The following TMTC2 variants were observed in gnomAD, a reference collection of about 807,000 sequenced individuals.
TMTC2 encodes the protein transmembrane O-mannosyltransferase targeting cadherins 2.
A neutral mutation model predicts 82.4 loss-of-function variants in TMTC2; 43 were observed. The ratio of observed to expected loss-of-function variants is 0.52; its 90% CI spans 0.41 to 0.67. The LOEUF is 0.67. TMTC2 is among the 30% of genes least tolerant of loss of function. TMTC2 has a pLI of 0.00. For missense variants in TMTC2, 919 were observed against 1,012.4 expected (o/e 0.91, Z 1.25); for synonymous variants, 408 against 381.9 (o/e 1.07, Z -0.80).
chr12:82,992,584 T>C (rs1879446854), intron 8 of TMTC2, among the ~76,000 whole-genome samples: 1 of 152,224 alleles, frequency 6.6e-6, no homozygotes, highest in Admixed American at 6.5e-5. Context: ...AGCCTTTATA[T>C]GAAGTTGCTG....
chr12:82,938,237 G>T (rs1876515984), intron 4 of TMTC2, among the ~76,000 whole-genome samples: 1 of 151,860 alleles, frequency 6.6e-6, no homozygotes, highest in African/African-American at 2.4e-5. Flanking sequence ...TCCTAATAAG[G>T]GTATGAGAGA....
At chr12:82,775,231 T>C (rs1877525110) in intron 1 of TMTC2, among the ~76,000 whole-genome samples, 1 of 152,014 alleles carries the variant, frequency 6.6e-6, no homozygotes, top group African/African-American at 2.4e-5. Flanking sequence ...GAAGGATTGC[T>C]TGAGCCTAGG....
chr12:83,100,122 G>A, intron 11 of TMTC2, among the ~76,000 whole-genome samples: 1 of 152,004 alleles, frequency 6.6e-6, no homozygotes, highest in East Asian at 1.9e-4. Flanking sequence ...GTTTCACCAT[G>A]TTGGTCAGGC....
At chr12:82,848,493 T>C (rs1192082805) in intron 1 of TMTC2, among the ~76,000 whole-genome samples, 2 of 152,164 alleles carry the variant, frequency 1.3e-5, no homozygotes, top group Non-Finnish European at 2.9e-5. Context: ...TTGCCTTGTC[T>C]ACTTGGCTGA....
At chr12:82,894,947 A>G (rs184120542) in intron 2 of TMTC2, among the ~76,000 whole-genome samples, 160 of 148,796 alleles carry the variant, frequency 1.1e-3, no homozygotes, top group Non-Finnish European at 2.1e-3. Context: ...CTACAGGTGC[A>G]CACCACCATG....
At chr12:83,047,730 T>G (rs1323533732) in intron 9 of TMTC2, among the ~76,000 whole-genome samples, 1 of 152,218 alleles carries the variant, frequency 6.6e-6, no homozygotes, top group Non-Finnish European at 1.5e-5. Context: ...TACTAAAAAT[T>G]ATATGTTCCA....
At chr12:82,990,085 C>T (rs370844777) in intron 8 of TMTC2, among the ~76,000 whole-genome samples, 1 of 152,132 alleles carries the variant, frequency 6.6e-6, no homozygotes, top group Non-Finnish European at 1.5e-5. Context: ...AAATACCACA[C>T]ATTTTGACTT....
At chr12:83,028,176 T>A (rs1412108806) in intron 8 of TMTC2, among the ~76,000 whole-genome samples, 1 of 152,136 alleles carries the variant, frequency 6.6e-6, no homozygotes, top group Non-Finnish European at 1.5e-5. Flanking sequence ...TTGCACACTG[T>A]CGAATATATA....
intron 3 of TMTC2, among the ~76,000 whole-genome samples, chr12:82,927,029 A>G (rs142173938): frequency 8.5e-5 from 13 of 152,304 alleles, no homozygotes; most frequent in Non-Finnish European, 1.3e-4. Context: ...TCTGTAGCCC[A>G]TGGATCGATC....
At chr12:82,958,618 A>C (rs572327608) in intron 4 of TMTC2, among the ~76,000 whole-genome samples, 7 of 152,056 alleles carry the variant, frequency 4.6e-5, no homozygotes, top group Non-Finnish European at 1.0e-4. Flanking sequence ...AAAAACTTCC[A>C]ATAAAATTTA....
At chr12:82,947,857 T>C (rs1877110009) in intron 4 of TMTC2, among the ~76,000 whole-genome samples, 1 of 152,174 alleles carries the variant, frequency 6.6e-6, no homozygotes, top group Non-Finnish European at 1.5e-5. Context: ...ATTTGGCATC[T>C]TGATCCCCAG....
chr12:82,884,607 A>G (rs903193475), intron 2 of TMTC2, among the ~76,000 whole-genome samples: 1 of 152,168 alleles, frequency 6.6e-6, no homozygotes, highest in African/African-American at 2.4e-5. Flanking sequence ...TGTAGTAACA[A>G]CCATTTAAAA....
intron 1 of TMTC2, among the ~76,000 whole-genome samples, chr12:82,730,780 C>T (rs1335295154): frequency 1.3e-5 from 2 of 152,206 alleles, no homozygotes; most frequent in African/African-American, 4.8e-5. Flanking sequence ...TTGTGGGCTC[C>T]TGTCCTTTCG....
chr12:83,123,325 A>G (rs1209159420), intron 11 of TMTC2, among the ~76,000 whole-genome samples: 6 of 152,310 alleles, frequency 3.9e-5, no homozygotes, highest in African/African-American at 1.4e-4. Context: ...AAAAGCACAA[A>G]TACTGTGTTG....
chr12:82,768,028 T>TTTCCTGCTA (rs1565741796), intron 1 of TMTC2, among the ~76,000 whole-genome samples: 1 of 152,050 alleles, frequency 6.6e-6, no homozygotes, highest in African/African-American at 2.4e-5. Context: ...TAAACTTACT[T>TTTCCTGCTA]ACTCATCTTT....
At chr12:83,132,139 A>G in intron 11 of TMTC2, 71 bp from the exon 12 acceptor site, 1 of 1,510,600 alleles carries the variant, frequency 6.6e-7, no homozygotes, top group Non-Finnish European at 8.9e-7. Context: ...AAGTGGATGA[A>G]GATTTTTGTT....
intron 1 of TMTC2, among the ~76,000 whole-genome samples, chr12:82,728,845 C>T (rs11115359): frequency 0.051 from 7,836 of 152,288 alleles, 279 homozygotes; most frequent in Middle Eastern, 0.11. Context: ...GGCATGGGCT[C>T]GGCGGCCCTG....
At chr12:82,830,977 G>A (rs1204839358) in intron 1 of TMTC2, among the ~76,000 whole-genome samples, 2 of 152,128 alleles carry the variant, frequency 1.3e-5, no homozygotes, top group Non-Finnish European at 2.9e-5. Flanking sequence ...CTTCTGCAAG[G>A]GAAGGCGAGG....
chr12:82,963,131 ATTGG>A (rs1449359973), intron 4 of TMTC2, among the ~76,000 whole-genome samples: 2 of 151,990 alleles, frequency 1.3e-5, no homozygotes, highest in Admixed American at 6.6e-5. Flanking sequence ...GGATTGGGGC[ATTGG>A]TCATATACAC....
Sources: gnomAD v4.1 joint callset for allele counts (sites outside exome capture counted in the v4.1 genomes callset) on GRCh38, gnomAD v4.1.1 for gene constraint, MANE v1.5 for transcripts, NCBI Gene and HGNC (gene_info 2026-07-23, HGNC 2026-07-21) for gene names.